LRRC4C: variants seen among roughly 807,000 people sequenced by gnomAD.
The protein encoded by LRRC4C is leucine-rich repeat-containing protein 4C.
A neutral mutation model predicts 33.6 loss-of-function variants in LRRC4C; 5 were observed. The ratio of observed to expected loss-of-function variants is 0.15; its 90% CI spans 0.08 to 0.31. The LOEUF (loss-of-function observed/expected upper bound fraction) is 0.31. Among genes scored for constraint, LRRC4C ranks in the 10% least tolerant of loss-of-function variants. The pLI is 1.00. For synonymous variants in LRRC4C, 329 were observed against 302.0 expected (o/e 1.09, Z -0.93); for missense variants, 560 against 796.7 (o/e 0.70, Z 3.58).
intron 2 of LRRC4C, among the ~76,000 whole-genome samples, chr11:40,786,644 A>G (rs1388085623): frequency 2.6e-5 from 4 of 152,198 alleles, no homozygotes; most frequent in Non-Finnish European, 5.9e-5. Context: ...CATAATATGA[A>G]AGTGGAGTAA....
chr11:40,262,382 T>C (rs967749954), intron 4 of LRRC4C, among the ~76,000 whole-genome samples: 1 of 152,160 alleles, frequency 6.6e-6, no homozygotes, highest in African/African-American at 2.4e-5. Context: ...CCACTGTTGG[T>C]GGGAGTGCAA....
At chr11:40,754,388 A>G (rs1234232212) in intron 2 of LRRC4C, among the ~76,000 whole-genome samples, 1 of 152,166 alleles carries the variant, frequency 6.6e-6, no homozygotes, top group African/African-American at 2.4e-5. Context: ...TAGACAATAT[A>G]CTAAGACACC....
chr11:40,903,411 ACAT>A (rs1205899509), intron 2 of LRRC4C, among the ~76,000 whole-genome samples: 1 of 152,244 alleles, frequency 6.6e-6, no homozygotes, highest in East Asian at 1.9e-4. Flanking sequence ...ACCTGCTAAC[ACAT>A]CATCCATTCT....
intron 3 of LRRC4C, among the ~76,000 whole-genome samples, chr11:40,348,346 AATT>A (rs764134646): frequency 6.6e-6 from 1 of 152,034 alleles, no homozygotes; most frequent in Non-Finnish European, 1.5e-5. Flanking sequence ...GCCAGAAAAA[AATT>A]ATTATTACTG....
chr11:40,735,956 T>C (rs1284773781), intron 2 of LRRC4C, among the ~76,000 whole-genome samples: 1 of 151,970 alleles, frequency 6.6e-6, no homozygotes, highest in Non-Finnish European at 1.5e-5. Flanking sequence ...ATAAATGTCT[T>C]CTTTTGAGAA....
intron 4 of LRRC4C, among the ~76,000 whole-genome samples, chr11:40,306,570 T>C (rs145520261): frequency 5.9e-5 from 9 of 152,306 alleles, no homozygotes; most frequent in South Asian, 4.1e-4. Flanking sequence ...TCCTGACCAC[T>C]CTTCCCATCA....
At chr11:41,375,718 T>C (rs1353726253) in intron 1 of LRRC4C, among the ~76,000 whole-genome samples, 2 of 152,162 alleles carry the variant, frequency 1.3e-5, no homozygotes, top group African/African-American at 4.8e-5. Flanking sequence ...TATGAATTAA[T>C]AGCTATCATG....
intron 2 of LRRC4C, among the ~76,000 whole-genome samples, chr11:40,835,238 T>C (rs557737415): frequency 3.3e-5 from 5 of 152,082 alleles, no homozygotes; most frequent in Admixed American, 2.0e-4. Context: ...TTTTGTAAAA[T>C]ATAAAAAAAG....
intron 1 of LRRC4C, among the ~76,000 whole-genome samples, chr11:41,163,049 G>A (rs1027398348): frequency 1.3e-5 from 2 of 152,036 alleles, no homozygotes; most frequent in African/African-American, 4.8e-5. Flanking sequence ...TAGTGAATAA[G>A]TCTCACAAGA....
At chr11:40,678,417 T>C (rs1424838632) in intron 2 of LRRC4C, among the ~76,000 whole-genome samples, 1 of 152,180 alleles carries the variant, frequency 6.6e-6, no homozygotes, top group Non-Finnish European at 1.5e-5. Flanking sequence ...TGTTATTTCC[T>C]TGGTATATTT....
At position 40,203,462 on chromosome 11, in the gene LRRC4C, G is replaced by A. The variant is rs189910604; in HGVS notation, c.-96+38057C>T. Among the ~76,000 whole-genome samples the A allele has an allele frequency of 3.2e-3, 481 of 152,158 alleles. 3 individuals carry two copies. Among genetic ancestry groups the A allele is most frequent in the South Asian group, 0.017 (83 of 4,814 alleles). On this transcript the variant is annotated intron_variant, in intron 5 of 6. Coordinates refer to ENST00000528697, the MANE Select transcript of LRRC4C (RefSeq NM_001258419.2). ...TTCTTCCATTCAAATGCAAAAAACC[G>A]AGGGGATGTTTACTATGTTTAATTA...
chr11:41,299,372 C>T (rs546656404), intron 1 of LRRC4C, among the ~76,000 whole-genome samples: 2 of 152,090 alleles, frequency 1.3e-5, no homozygotes, highest in Non-Finnish European at 2.9e-5. Flanking sequence ...TTGCATCAAA[C>T]CTGCGTAAAT....
In LRRC4C at chr11:41,080,938, A is replaced by G. The variant is rs117980092; in HGVS notation, c.-495-147215T>C. ...GGAAAACCTTGCATTGTTTTACCCTAATAATTCATTGCTTACAATGTCTAT... is the reference window on the plus strand; with the variant it reads ...GGAAAACCTTGCATTGTTTTACCCTGATAATTCATTGCTTACAATGTCTAT... On this transcript the variant is annotated intron_variant, in intron 1 of 6. Coordinates refer to ENST00000528697, the MANE Select transcript of LRRC4C (RefSeq NM_001258419.2). Among the ~76,000 whole-genome samples the G allele has an allele frequency of 1.1e-3, 169 of 152,316 alleles. 3 individuals are homozygous for G. The East Asian group carries it at 0.028, about 26-fold the overall frequency.
intron 2 of LRRC4C, among the ~76,000 whole-genome samples, chr11:40,786,857 C>T (rs1002158758): frequency 6.6e-6 from 1 of 151,832 alleles, no homozygotes; most frequent in Non-Finnish European, 1.5e-5. Flanking sequence ...ATCTCCCCCA[C>T]CCCCCATCCA....
At chr11:40,223,410 G>T (rs1238036315) in intron 5 of LRRC4C, among the ~76,000 whole-genome samples, 3 of 152,116 alleles carry the variant, frequency 2.0e-5, no homozygotes, top group Non-Finnish European at 4.4e-5. Flanking sequence ...ACATGTCAGG[G>T]CAATTGAATG....
intron 1 of LRRC4C, among the ~76,000 whole-genome samples, chr11:41,204,756 C>T (rs1177226154): frequency 6.6e-6 from 1 of 151,930 alleles, no homozygotes; most frequent in African/African-American, 2.4e-5. Flanking sequence ...ATTCATTGAG[C>T]ATTTACTATG....
intron 5 of LRRC4C, among the ~76,000 whole-genome samples, chr11:40,237,162 A>G (rs1865621888): frequency 6.6e-6 from 1 of 152,218 alleles, no homozygotes; most frequent in South Asian, 2.1e-4. Context: ...TAAAAATATT[A>G]TTGCCACCAT....
chr11:40,546,115 TTCCTTCCTTCC>T (rs1956911693), intron 3 of LRRC4C, among the ~76,000 whole-genome samples: 1 of 150,926 alleles, frequency 6.6e-6, no homozygotes, highest in African/African-American at 2.4e-5. Context: ...CCTTCCTTCC[TTCCTTCCTTCC>T]TTCCTTCTTT....
chr11:41,093,557 T>C (rs2135559545), intron 1 of LRRC4C, among the ~76,000 whole-genome samples: 2 of 152,270 alleles, frequency 1.3e-5, no homozygotes, highest in East Asian at 1.9e-4. Context: ...TTCTAGATTA[T>C]TTCTCTTTAT....
Sources: allele counts gnomAD v4.1 joint callset (sites outside exome capture counted in the v4.1 genomes callset), GRCh38; gene constraint gnomAD v4.1.1; transcripts MANE v1.5; gene names NCBI Gene and HGNC (gene_info 2026-07-23, HGNC 2026-07-21).